The following BTK variants were observed in gnomAD, a reference collection of about 807,000 sequenced individuals.
BTK encodes tyrosine-protein kinase BTK.
Under a neutral mutation model 57.4 loss-of-function variants are expected in BTK, and 5 were observed. That is an observed-to-expected ratio of 0.09 (90% CI 0.05 to 0.18). The LOEUF (loss-of-function observed/expected upper bound fraction) is 0.18, where lower values mean the gene tolerates loss of function less well. Among genes scored for constraint, BTK ranks in the 10% least tolerant of loss-of-function variants. The probability of loss-of-function intolerance (pLI) is 1.00; values close to 1 mark genes in which losing one functional copy is unlikely to be tolerated. For synonymous variants in BTK, 154 were observed against 174.3 expected, an observed-to-expected ratio of 0.88 and a Z score of 0.92; for missense variants, 194 against 501.2, an observed-to-expected ratio of 0.39 and a Z score of 5.85.
upstream of BTK, among the ~76,000 whole-genome samples, chrX:101,387,694 C>T (rs781914137): frequency 9.0e-6 from 1 of 110,507 alleles, no homozygotes; most frequent in Admixed American, 9.7e-5. Flanking sequence ...TATTTGTAGA[C>T]TGATGATAGA....
At chrX:101,363,577 G>A (rs1351988192) in intron 5 of BTK, among the ~76,000 whole-genome samples, 1 of 109,212 alleles carries the variant, frequency 9.2e-6, no homozygotes, top group African/African-American at 3.3e-5. Context: ...AAATTACAGC[G>A]TGCCTGTAAT....
chrX:101,384,078 G>A (rs1219365041), intron 1 of BTK, among the ~76,000 whole-genome samples: 1 of 111,789 alleles, frequency 8.9e-6, no homozygotes, highest in Non-Finnish European at 1.9e-5. Flanking sequence ...GGGTGTAGAA[G>A]GGGGTATCTG....
intron 5 of BTK, among the ~76,000 whole-genome samples, chrX:101,364,920 T>C (rs1421484640): frequency 9.0e-6 from 1 of 111,118 alleles, no homozygotes; most frequent in East Asian, 2.8e-4. Flanking sequence ...TTTTGTGTTT[T>C]TAGCAGAGAC....
At chrX:101,360,496 T>C in intron 8 of BTK, 72 bp downstream of exon 8, 1 of 1,088,840 alleles carries the variant, frequency 9.2e-7, no homozygotes, top group Non-Finnish European at 1.3e-6. Flanking sequence ...ATCACGGGAA[T>C]TATGCCGCAG....
intron 5 of BTK, among the ~76,000 whole-genome samples, chrX:101,369,038 C>T (rs1307370768): frequency 8.9e-6 from 1 of 112,412 alleles, no homozygotes; most frequent in Non-Finnish European, 1.9e-5. Context: ...TGACATGTGG[C>T]TATATATACA....
chrX:101,363,712 A>C (rs1176517034), intron 5 of BTK, among the ~76,000 whole-genome samples: 3 of 107,776 alleles, frequency 2.8e-5, no homozygotes, highest in African/African-American at 1.0e-4. Flanking sequence ...TCTCAACAAA[A>C]AAAAAAAAAA....
At chrX:101,359,474 G>A in intron 9 of BTK, 127 bp from the exon 10 acceptor site, 1 of 670,100 alleles carries the variant, frequency 1.5e-6, no homozygotes, top group South Asian at 2.2e-5. Context: ...CTGAGCATCT[G>A]TCATGTGCAT....
chrX:101,356,809 A>T lies in BTK; in HGVS notation c.1324T>A (p.Phe442Ile). The T allele has an allele frequency of 8.3e-7, 1 of 1,211,788 alleles. No individual in the cohort carries two copies. Among genetic ancestry groups the T allele is most frequent in the South Asian group, 1.8e-5 (1 of 57,000 alleles). Reference protein sequence around the residue: ...IKEGSMSEDEFIEEAKVMMNL... With the variant: ...IKEGSMSEDEIIEEAKVMMNL... ...ATCATGACTTTGGCTTCTTCAATGAATTCATCTTCAGACATGGAGCCTTCT... is the reference window on the plus strand; with the variant it reads ...ATCATGACTTTGGCTTCTTCAATGATTTCATCTTCAGACATGGAGCCTTCT... The change falls in exon 14 of 19, where the codon TTC (phenylalanine) becomes ATC (isoleucine). Residue 442 changes from phenylalanine (F) to isoleucine (I), a missense_variant. Physicochemically the swap from Phe to Ile is conservative, Grantham distance 21. This residue lies in a region of BTK where 79 missense variants were observed against 217.7 expected (regional missense o/e 0.36). Coordinates refer to ENST00000308731, the MANE Select transcript of BTK (RefSeq NM_000061.3).
rs782515861 is a variant in BTK, at chrX:101,374,511, ATCTCAGACATTGG to A, written c.240+12_240+24del. ...AATTTCTTCAAATCTGCTGTTCCCC[ATCTCAGACATTGG>A]TCTCTTCTTACCGGAATCTGTCTTT... On this transcript the variant is annotated intron_variant, in intron 3 of 18. Transcript: ENST00000308731. 32 of 1,147,109 alleles carry A rather than the reference ATCTCAGACATTGG, an allele frequency of 2.8e-5. No homozygotes were observed. The South Asian group carries it at 5.8e-4, about 21-fold the overall frequency. 94.5% of individuals were successfully genotyped at this position (1,147,109 alleles called of 1,213,427 possible).
At chrX:101,386,579 C>A (rs1197360042), upstream of BTK, among the ~76,000 whole-genome samples, 1 of 110,344 alleles carries the variant, frequency 9.1e-6, no homozygotes, top group African/African-American at 3.3e-5. Flanking sequence ...AAGAGACTGG[C>A]CAGGAAGAGC....
At position 101,371,370 on chromosome X, in the gene BTK, T is replaced by C. The variant is rs782631637; in HGVS notation, c.309+263A>G. ...AGCATCTTTCTCAATGCAGTTATCA[T>C]AGACAAGACACACTATGATAGAATT... On this transcript the variant is annotated intron_variant, in intron 4 of 18. Transcript: ENST00000308731. Among the ~76,000 whole-genome samples the C allele has an allele frequency of 4.4e-5, 5 of 112,474 alleles. No individual in the cohort carries two copies. In the East Asian group the frequency reaches 1.4e-3, roughly 31 times the overall value.
At chrX:101,373,749 T>C (rs945974230) in intron 3 of BTK, among the ~76,000 whole-genome samples, 1 of 112,012 alleles carries the variant, frequency 8.9e-6, no homozygotes, top group Non-Finnish European at 1.9e-5. Context: ...AAGAAAATAC[T>C]GAAAATGGTC....
chrX:101,376,734 G>C (rs1927228628), intron 1 of BTK, among the ~76,000 whole-genome samples: 1 of 107,796 alleles, frequency 9.3e-6, no homozygotes. Flanking sequence ...TCCTCTGGTG[G>C]GGGGGTGGGG....
rs5991926 is a variant in BTK at position 101,358,637 on chromosome X, A to G, written c.954T>C (p.Ser318=). 4,481 of 1,209,071 alleles carry G rather than the reference A, an allele frequency of 3.7e-3. 93 individuals are homozygous for G. In the African/African-American group the frequency reaches 0.063, roughly 17 times the overall value. The change falls in exon 11 of 19, where the codon TCT becomes TCC. Residue 318 remains serine (S), a synonymous_variant. Coordinates refer to ENST00000308731, the MANE Select transcript of BTK (RefSeq NM_000061.3). ...CTCACCCTGTGGATTTAGCAAACAC[A>G]GACACTGTATATTTGCCAGCTTTGC... The part of the protein sequence containing the change: ...DSSKAGKYTV[S]VFAKSTGDPQ...
rs1361398178 is a variant in BTK at position 101,349,596 on chromosome X, C to A, written c.*289G>T. ...GCCTACTCAAAGAGCTGTTGGACCC[C>A]TTTGTGCGGCTATTTACATCCTCCC... On this transcript the variant is annotated 3_prime_UTR_variant, in exon 19 of 19. Transcript: ENST00000308731. 8 of 319,044 alleles carry A rather than the reference C, an allele frequency of 2.5e-5. No homozygotes were observed. The highest frequency in any genetic ancestry group is 3.8e-5 in the Non-Finnish European group (7 of 182,847). 26.3% of individuals were successfully genotyped at this position (319,044 alleles called of 1,213,427 possible). A position where few individuals can be genotyped will look rare whatever the true frequency, so the allele number is the denominator to read the frequency against.
At chrX:101,378,953 C>T (rs1218970612) in intron 1 of BTK, among the ~76,000 whole-genome samples, 2 of 110,299 alleles carry the variant, frequency 1.8e-5, no homozygotes, top group East Asian at 5.7e-4. Flanking sequence ...GCTGGCGGAT[C>T]ACTTGAGGTC....
At chrX:101,372,928 A>T (rs1461276166) in intron 3 of BTK, among the ~76,000 whole-genome samples, 2 of 107,327 alleles carry the variant, frequency 1.9e-5, no homozygotes, top group East Asian at 6.1e-4. Flanking sequence ...TACTAAAAAT[A>T]CAAAAATTAG....
chrX:101,350,401 CTTTTTTTTTTTT>C (rs782749965), intron 18 of BTK, among the ~76,000 whole-genome samples: 1 of 68,710 alleles, frequency 1.5e-5, no homozygotes, highest in Non-Finnish European at 2.7e-5. Context: ...TACCTGGGAC[CTTTTTTTTTTTT>C]TTTTTTTTTT....
At chrX:101,363,036 G>C (rs1035620372) in intron 5 of BTK, among the ~76,000 whole-genome samples, 6 of 112,412 alleles carry the variant, frequency 5.3e-5, no homozygotes, top group African/African-American at 1.6e-4. Context: ...GTGTTTCCCA[G>C]ATAAGGGAAA....
Sources: gnomAD v4.1 joint callset for allele counts (sites outside exome capture counted in the v4.1 genomes callset) on GRCh38, gnomAD v4.1.1 for gene constraint, gnomAD v4.1.1 regional missense constraint, MANE v1.5 for transcripts, NCBI Gene and HGNC (gene_info 2026-07-23, HGNC 2026-07-21) for gene names.